The following CLEC4C variants were observed in gnomAD, a reference collection of about 807,000 sequenced individuals.
CLEC4C encodes C-type (calcium dependent, carbohydrate-recognition domain) lectin, superfamily member 11.
CLEC4C carries 17 observed loss-of-function variants against 27.7 expected under a neutral mutation model. The observed-to-expected ratio is 0.61, with a 90% CI of 0.42 to 0.92. The LOEUF (loss-of-function observed/expected upper bound fraction) is 0.92, where lower values mean the gene tolerates loss of function less well. Among genes scored for constraint, CLEC4C ranks in the 40% least tolerant of loss-of-function variants. The pLI, the probability that CLEC4C is intolerant of heterozygous loss-of-function variation, is 0.00. For synonymous variants in CLEC4C, 80 were observed against 80.8 expected, an observed-to-expected ratio of 0.99 and a Z score of 0.06; for missense variants, 244 against 257.3, an observed-to-expected ratio of 0.95 and a Z score of 0.35.
intron 2 of CLEC4C, among the ~76,000 whole-genome samples, chr12:7,742,267 C>T (rs932647010): frequency 1.3e-5 from 2 of 152,222 alleles, no homozygotes; most frequent in East Asian, 3.9e-4. Flanking sequence ...AATCCCAGTA[C>T]TTTGGGAGGC....
chr12:7,744,206 T>A (rs954553002), intron 2 of CLEC4C, among the ~76,000 whole-genome samples: 2 of 152,212 alleles, frequency 1.3e-5, no homozygotes, highest in Non-Finnish European at 2.9e-5. Context: ...AACATGAGAC[T>A]TGGAAGGGAC....
intron 2 of CLEC4C, among the ~76,000 whole-genome samples, chr12:7,742,648 A>C (rs11055554): frequency 0.15 from 22,405 of 151,644 alleles, 1,732 homozygotes; most frequent in East Asian, 0.31. Flanking sequence ...ATCTCTACTA[A>C]AAATACAAAA....
chr12:7,742,134 C>A (rs1299507644), intron 2 of CLEC4C, among the ~76,000 whole-genome samples: 1 of 151,952 alleles, frequency 6.6e-6, no homozygotes, highest in Non-Finnish European at 1.5e-5. Context: ...GAGCCGAGAT[C>A]GTGCCATTGC....
intron 2 of CLEC4C, 102 bp downstream of exon 2, chr12:7,746,213 CAAAAAAAAAAAAAAAA>C (rs932573091): frequency 9.6e-6 from 4 of 414,926 alleles, no homozygotes; most frequent in African/African-American, 7.0e-5. Flanking sequence ...GATTCCGTCT[CAAAAAAAAAAAAAAAA>C]AAAAGAAAAA....
rs777014757 is a variant in CLEC4C at position 7,730,832 on chromosome 12, T to C, written c.462A>G (p.Gln154=). The change falls in exon 5 of 6, where the codon CAA becomes CAG. Residue 154 remains glutamine, a synonymous_variant. Transcript: ENST00000360345. ...CATTGTATGGTGTCTGGTCAACCCATTGCCAATGTCGCCGACCCCCTGGAT... is the reference window on the plus strand; with the variant it reads ...CATTGTATGGTGTCTGGTCAACCCACTGCCAATGTCGCCGACCCCCTGGAT... ...LSDPGGRRHW[Q]WVDQTPYNEN... 2.5e-6 allele frequency: 4 copies of C among 1,608,142 alleles called. No individual in the cohort carries two copies. In the East Asian group the frequency reaches 6.7e-5, roughly 27 times the overall value.
chr12:7,744,367 G>A (rs1037780555), intron 2 of CLEC4C, among the ~76,000 whole-genome samples: 2 of 152,178 alleles, frequency 1.3e-5, no homozygotes, highest in African/African-American at 4.8e-5. Context: ...AGAAACTGAA[G>A]ACTGTATCAT....
At chr12:7,735,765 T>G (rs1864712047) in intron 4 of CLEC4C, among the ~76,000 whole-genome samples, 1 of 150,478 alleles carries the variant, frequency 6.6e-6, no homozygotes, top group African/African-American at 2.4e-5. Context: ...ATCGAGCCAC[T>G]GCACTCCAGC....
At chr12:7,734,614 T>C (rs1188593521) in intron 4 of CLEC4C, among the ~76,000 whole-genome samples, 1 of 150,940 alleles carries the variant, frequency 6.6e-6, no homozygotes, top group Non-Finnish European at 1.5e-5. Context: ...AGTGGCATGA[T>C]CTTGGCTCAC....
At chr12:7,748,720 T>C (rs191983121), upstream of CLEC4C, among the ~76,000 whole-genome samples, 4 of 152,266 alleles carry the variant, frequency 2.6e-5, no homozygotes, top group Non-Finnish European at 5.9e-5. Context: ...CTTTCCTCTG[T>C]CTTGGATTAA....
Position 7,744,930 on chromosome 12 carries a change from T to C in CLEC4C, c.124+1401A>G, listed in dbSNP as rs115423126. 7.9e-3 allele frequency among the ~76,000 whole-genome samples: 1,208 copies of C among 152,248 alleles called. 21 individuals carry two copies. The highest frequency in any genetic ancestry group is 0.026 in the African/African-American group (1,093 of 41,546). ...GCCATATGAACAATTTTTCCTGTCATGTTGGGAAGAATCTCACATGAAGAT... is the reference window on the plus strand; with the variant it reads ...GCCATATGAACAATTTTTCCTGTCACGTTGGGAAGAATCTCACATGAAGAT... On this transcript the variant is annotated intron_variant, in intron 2 of 5. Coordinates refer to ENST00000360345, the MANE Select transcript of CLEC4C (RefSeq NM_001371390.1).
chr12:7,745,616 A>G (rs1342119309), intron 2 of CLEC4C, among the ~76,000 whole-genome samples: 1 of 150,974 alleles, frequency 6.6e-6, no homozygotes, highest in Non-Finnish European at 1.5e-5. Context: ...TATTTTTAGT[A>G]GAGACAGGGT....
rs1014906840 is a variant in CLEC4C at position 7,729,393 on chromosome 12, A to C, written c.*203T>G. On this transcript the variant is annotated 3_prime_UTR_variant, in exon 6 of 6. Coordinates refer to ENST00000360345, the MANE Select transcript of CLEC4C (RefSeq NM_001371390.1). ...TGGCACATAGAAAAATGTTCACTAAACACTCATTTTATGAATGAATAAATG... is the reference window on the plus strand; with the variant it reads ...TGGCACATAGAAAAATGTTCACTAACCACTCATTTTATGAATGAATAAATG... The C allele has an allele frequency of 5.6e-6, 3 of 537,650 alleles. No homozygotes were observed. The highest frequency in any genetic ancestry group is 9.7e-6 in the Non-Finnish European group (3 of 310,366). The allele number at this position is 537,650 out of a possible 1,614,324, so 33.3% of individuals were successfully genotyped here.
rs58883863 is a variant in CLEC4C at position 7,736,772 on chromosome 12, G to A, written c.381+657C>T. On this transcript the variant is annotated intron_variant, in intron 4 of 5. Coordinates refer to ENST00000360345, the MANE Select transcript of CLEC4C (RefSeq NM_001371390.1). ...AAATACAAAAAAATTAGCCGGGCGT[G>A]GTGGCAGGTGCCTGTAGTCCCAGCT... is the stretch of plus-strand genomic sequence containing the variant. 5.3e-3 allele frequency among the ~76,000 whole-genome samples: 803 copies of A among 152,118 alleles called. 5 individuals are homozygous for A. Among genetic ancestry groups the A allele is most frequent in the African/African-American group, 0.019 (775 of 41,486 alleles).
upstream of CLEC4C, chr12:7,747,376 C>G (rs765156767): frequency 1.5e-5 from 24 of 1,613,064 alleles, no homozygotes; most frequent in Non-Finnish European, 1.7e-5. Flanking sequence ...TTTGGACTTC[C>G]TCTATCAGGT....
At chr12:7,735,334 C>A (rs931373103) in intron 4 of CLEC4C, among the ~76,000 whole-genome samples, 1 of 151,694 alleles carries the variant, frequency 6.6e-6, no homozygotes, top group Non-Finnish European at 1.5e-5. Context: ...AAAACCTCAT[C>A]TTTACTAAAA....
chr12:7,744,323 C>T (rs1476329799), intron 2 of CLEC4C, among the ~76,000 whole-genome samples: 1 of 152,320 alleles, frequency 6.6e-6, no homozygotes, highest in East Asian at 1.9e-4. Flanking sequence ...CTTGGGGTTA[C>T]ATTGAAAACT....
At chr12:7,742,840 A>T (rs557069853) in intron 2 of CLEC4C, among the ~76,000 whole-genome samples, 15 of 117,312 alleles carry the variant, frequency 1.3e-4, no homozygotes, top group African/African-American at 3.6e-4. Context: ...TAAATAAATA[A>T]ATAAATAAAT....
chr12:7,743,562 AT>A (rs137896402), intron 2 of CLEC4C, among the ~76,000 whole-genome samples: 28 of 146,668 alleles, frequency 1.9e-4, no homozygotes, highest in Admixed American at 4.1e-4. Flanking sequence ...TTTTTTTTGT[AT>A]TTTTTTTTTA....
In CLEC4C at chr12:7,734,381, T is replaced by C. The variant is rs762718074; in HGVS notation, c.381+3048A>G. 2.6e-5 allele frequency among the ~76,000 whole-genome samples: 4 copies of C among 152,232 alleles called. No individual in the cohort carries two copies. In the East Asian group the frequency reaches 5.8e-4, roughly 22 times the overall value. On this transcript the variant is annotated intron_variant, in intron 4 of 5. Coordinates refer to ENST00000360345, the MANE Select transcript of CLEC4C (RefSeq NM_001371390.1). ...GAGCCAAGAAAGAGGTAAGGGTAAA[T>C]AGGCAGTAAATCAGACCTCATATAG... is the stretch of plus-strand genomic sequence containing the variant.
Sources: gnomAD v4.1 joint callset for allele counts (sites outside exome capture counted in the v4.1 genomes callset) on GRCh38, gnomAD v4.1.1 for gene constraint, MANE v1.5 for transcripts, NCBI Gene and HGNC (gene_info 2026-07-23, HGNC 2026-07-21) for gene names.